Variants in SHC3 observed in about 807,000 individuals in gnomAD.
SHC3 encodes SHC adaptor protein 3, also known as SHC-transforming protein 3.
In SHC3, 15 loss-of-function variants were observed where a neutral mutation model predicts 60.4. The observed-to-expected ratio is 0.25, with a 90% CI of 0.17 to 0.38. The LOEUF is 0.38. SHC3 is among the 10% of genes least tolerant of loss of function. The pLI is 1.00. For synonymous variants in SHC3, 294 were observed against 325.9 expected, an observed-to-expected ratio of 0.90 and a Z score of 1.05; for missense variants, 677 against 786.1, an observed-to-expected ratio of 0.86 and a Z score of 1.66.
At chr9:89,075,987 T>C (rs924344469) in intron 3 of SHC3, among the ~76,000 whole-genome samples, 1 of 152,080 alleles carries the variant, frequency 6.6e-6, no homozygotes, top group African/African-American at 2.4e-5. Flanking sequence ...CACTCTCTCT[T>C]TTGATATGCT....
intron 1 of SHC3, among the ~76,000 whole-genome samples, chr9:89,118,827 A>G (rs1341197691): frequency 6.6e-6 from 1 of 152,222 alleles, no homozygotes; most frequent in East Asian, 1.9e-4. Flanking sequence ...AACCACCCAC[A>G]GACACTCTGA....
At chr9:89,163,625 G>A (rs916895013) in intron 1 of SHC3, among the ~76,000 whole-genome samples, 35 of 142,100 alleles carry the variant, frequency 2.5e-4, no homozygotes, top group African/African-American at 7.9e-4. Flanking sequence ...GGATAGCATC[G>A]GGAGATATAC....
At chr9:89,114,898 G>A (rs140870278) in intron 1 of SHC3, among the ~76,000 whole-genome samples, 15 of 152,190 alleles carry the variant, frequency 9.9e-5, no homozygotes, top group African/African-American at 3.4e-4. Flanking sequence ...ATAAAGTTAG[G>A]TGAATACCAC....
In SHC3 at chr9:89,038,181, T is replaced by C. The variant is rs1824615429; in HGVS notation, c.1468A>G (p.Met490Val). The C allele has an allele frequency of 6.2e-7, 1 of 1,613,924 alleles. No individual in the cohort carries two copies. Among genetic ancestry groups the C allele is most frequent in the Non-Finnish European group, 8.5e-7 (1 of 1,180,024 alleles). The stretch of plus-strand genomic sequence containing the variant: ...GTCTCGGCTTGCAGTTCCTCCAGCA[T>C]CTTGGCATCTGGGGCTCTAGGTGAC... ...PVSPRAPDAK[M>V]LEELQAETWY... Residue 490 changes from methionine (M) to valine (V), a missense_variant, in exon 11 of 12, where the codon ATG becomes GTG. By Grantham distance (21) the Met-to-Val change is conservative (BLOSUM62 1). Coordinates refer to ENST00000375835, the MANE Select transcript of SHC3 (RefSeq NM_016848.6).
chr9:89,131,860 G>T (rs1256021304), intron 1 of SHC3, among the ~76,000 whole-genome samples: 1 of 152,136 alleles, frequency 6.6e-6, no homozygotes, highest in Non-Finnish European at 1.5e-5. Flanking sequence ...AGACAGGGAT[G>T]CCCTCTCTCA....
chr9:89,116,290 C>T (rs1206301813), intron 1 of SHC3, among the ~76,000 whole-genome samples: 2 of 152,188 alleles, frequency 1.3e-5, no homozygotes, highest in African/African-American at 4.8e-5. Flanking sequence ...AACACCACAA[C>T]AAACGTTGCA....
intron 11 of SHC3, among the ~76,000 whole-genome samples, chr9:89,021,064 C>T (rs1390175464): frequency 2.6e-5 from 4 of 152,200 alleles, no homozygotes; most frequent in Non-Finnish European, 5.9e-5. Context: ...CTTCAGCGCC[C>T]ACACAGGAGA....
chr9:89,141,187 G>A (rs1248536917), intron 1 of SHC3, among the ~76,000 whole-genome samples: 5 of 152,182 alleles, frequency 3.3e-5, no homozygotes, highest in Admixed American at 3.3e-4. Context: ...AAGTTGGGAT[G>A]CCATTGTAAT....
intron 11 of SHC3, among the ~76,000 whole-genome samples, chr9:89,036,574 C>G (rs887845654): frequency 3.3e-5 from 5 of 152,166 alleles, no homozygotes; most frequent in Admixed American, 3.3e-4. Context: ...CAAGAGAGCT[C>G]AGTAAGTGAC....
At chr9:89,013,983 C>CCGGGGA (rs1826052822) in intron 11 of SHC3, among the ~76,000 whole-genome samples, 1 of 152,192 alleles carries the variant, frequency 6.6e-6, no homozygotes, top group Non-Finnish European at 1.5e-5. Context: ...TAGGCCTTTG[C>CCGGGGA]ATGGACATCT....
chr9:89,046,836 A>C lies in SHC3; in HGVS notation c.1113+8T>G. On this transcript the variant is annotated splice_region_variant and intron_variant, in intron 8 of 11. Transcript: ENST00000375835. ...TTCCTTATATAAGAAAAAAACTATAAGACTTACCTGGGCTGTGTCAGGAGC... is the reference window on the plus strand; with the variant it reads ...TTCCTTATATAAGAAAAAAACTATACGACTTACCTGGGCTGTGTCAGGAGC... 6.4e-7 allele frequency: 1 copy of C among 1,555,436 alleles called. No individual in the cohort carries two copies. The highest frequency in any genetic ancestry group is 8.7e-7 in the Non-Finnish European group (1 of 1,155,766).
At chr9:89,106,873 A>G (rs771565602) in intron 2 of SHC3, among the ~76,000 whole-genome samples, 2 of 151,962 alleles carry the variant, frequency 1.3e-5, no homozygotes, top group African/African-American at 2.4e-5. Flanking sequence ...AAATAAACCT[A>G]CTAGATGCAT....
chr9:89,046,442 TA>T (rs1379120581), intron 8 of SHC3, among the ~76,000 whole-genome samples: 1 of 152,174 alleles, frequency 6.6e-6, no homozygotes, highest in Non-Finnish European at 1.5e-5. Context: ...AGGGAATGAA[TA>T]AAATAGAAAA....
intron 1 of SHC3, among the ~76,000 whole-genome samples, chr9:89,156,358 T>C (rs917331781): frequency 1.4e-4 from 21 of 152,108 alleles, no homozygotes; most frequent in African/African-American, 4.8e-4. Context: ...AGTTGACATC[T>C]AATAACTTCA....
At chr9:89,096,189 C>A (rs1415340721) in intron 2 of SHC3, among the ~76,000 whole-genome samples, 1 of 152,124 alleles carries the variant, frequency 6.6e-6, no homozygotes, top group Non-Finnish European at 1.5e-5. Flanking sequence ...AAGAATTTAA[C>A]CAAACATGTT....
intron 1 of SHC3, among the ~76,000 whole-genome samples, chr9:89,133,772 G>A (rs1227247609): frequency 6.6e-6 from 1 of 152,076 alleles, no homozygotes; most frequent in Non-Finnish European, 1.5e-5. Flanking sequence ...GGGGTGGGGG[G>A]AGCTGGGAGG....
chr9:89,156,859 T>TCCTTAATC (rs59527699), intron 1 of SHC3, among the ~76,000 whole-genome samples: 223 of 152,302 alleles, frequency 1.5e-3, no homozygotes, highest in African/African-American at 5.1e-3. Context: ...AAGCTTTGAC[T>TCCTTAATC]CCTTAATCAA....
At chr9:89,132,768 T>A (rs1002750827) in intron 1 of SHC3, among the ~76,000 whole-genome samples, 1 of 152,160 alleles carries the variant, frequency 6.6e-6, no homozygotes, top group Non-Finnish European at 1.5e-5. Context: ...TCAAGATGGA[T>A]TAAATACTTA....
In SHC3 at chr9:89,153,904, G is replaced by C. The variant is rs565859847; in HGVS notation, c.474+24083C>G. ...GACCTTCAGTGAGCCTCTGCCACCT[G>C]CCAGGCACTCCGCAGAGCCTTTCAC... On this transcript the variant is annotated intron_variant, in intron 1 of 11. Transcript: ENST00000375835. Among the ~76,000 whole-genome samples, 239 of 152,304 alleles carry C rather than the reference G, an allele frequency of 1.6e-3. 1 individual carries two copies. The highest frequency in any genetic ancestry group is 5.4e-3 in the African/African-American group (224 of 41,568).
Sources: gnomAD v4.1 joint callset for allele counts (sites outside exome capture counted in the v4.1 genomes callset) on GRCh38, gnomAD v4.1.1 for gene constraint, MANE v1.5 for transcripts, NCBI Gene and HGNC (gene_info 2026-07-23, HGNC 2026-07-21) for gene names.